Variants in RSPO4 observed in about 807,000 individuals in gnomAD.
The protein encoded by RSPO4 is R-spondin-4.
In RSPO4, 23 loss-of-function variants were observed where a neutral mutation model predicts 24.8. That is an observed-to-expected ratio of 0.93 (90% CI 0.67 to 1.31). The LOEUF (loss-of-function observed/expected upper bound fraction) is 1.31. RSPO4 is among the 40% of genes most tolerant of loss of function. RSPO4 has a pLI of 0.00. For missense variants in RSPO4, 333 were observed against 316.5 expected (o/e 1.05, Z -0.39); for synonymous variants, 141 against 127.4 (o/e 1.11, Z -0.72).
chr20:999,920 G>A (rs1370808309), intron 1 of RSPO4, among the ~76,000 whole-genome samples: 1 of 152,146 alleles, frequency 6.6e-6, no homozygotes, highest in African/African-American at 2.4e-5. Flanking sequence ...CCAGGCTGGA[G>A]TGCAGTGGCA....
chr20:1,001,077 A>G (rs1985446466), intron 1 of RSPO4, among the ~76,000 whole-genome samples: 1 of 152,264 alleles, frequency 6.6e-6, no homozygotes, highest in Non-Finnish European at 1.5e-5. Flanking sequence ...ACAATTCAGC[A>G]GTTATTTAAA....
intron 1 of RSPO4, among the ~76,000 whole-genome samples, chr20:982,520 T>C (rs547233686): frequency 4.9e-4 from 74 of 152,360 alleles, no homozygotes; most frequent in Non-Finnish European, 2.5e-4. Context: ...ACAGGCACTG[T>C]GCTTGGCTGC....
chr20:988,039 G>A (rs1401797388), intron 1 of RSPO4, among the ~76,000 whole-genome samples: 2 of 152,216 alleles, frequency 1.3e-5, no homozygotes, highest in East Asian at 3.8e-4. Context: ...TGGGCTGCCT[G>A]GAAGGGCATC....
chr20:998,654 A>G (rs941876057), intron 1 of RSPO4, among the ~76,000 whole-genome samples: 6 of 152,154 alleles, frequency 3.9e-5, no homozygotes, highest in Non-Finnish European at 8.8e-5. Flanking sequence ...CCAAAGACTC[A>G]GGCATGGGGG....
chr20:999,361 A>G (rs928084324), intron 1 of RSPO4, among the ~76,000 whole-genome samples: 5 of 152,162 alleles, frequency 3.3e-5, no homozygotes, highest in African/African-American at 1.2e-4. Flanking sequence ...TAAGTCTCAC[A>G]GCCAAGAAAT....
rs200597556 is a variant in RSPO4, at chr20:967,224, G to A, written c.359C>T (p.Pro120Leu). 40 of 1,614,048 alleles carry A rather than the reference G, an allele frequency of 2.5e-5. No homozygotes were observed. Among genetic ancestry groups the A allele is most frequent in the Middle Eastern group, 1.6e-4 (1 of 6,084 alleles). Residue 120 changes from proline (P) to leucine (L), a missense_variant, in exon 3 of 5, where the codon CCC becomes CTC. Pro to Leu is a moderately conservative substitution (Grantham distance 98). Transcript: ENST00000217260. ...QFYLYKGKCL[P>L]TCPPGTLAHQ... ...GGCCAAAGTGCCCGGCGGGCAGGTG[G>A]GCAGACACTTCCCCTTGTACAAGTA... is the stretch of plus-strand genomic sequence containing the variant.
intron 1 of RSPO4, among the ~76,000 whole-genome samples, chr20:988,210 C>T (rs973301382): frequency 6.6e-6 from 1 of 152,168 alleles, no homozygotes; most frequent in African/African-American, 2.4e-5. Flanking sequence ...GGCCAGACCC[C>T]CAGGACACAT....
Position 1,002,283 on chromosome 20 carries a change from A to C in RSPO4, c.-119T>G. 2.3e-6 allele frequency: 1 copy of C among 442,524 alleles called. No individual in the cohort carries two copies. Among genetic ancestry groups the C allele is most frequent in the Non-Finnish European group, 3.2e-6 (1 of 312,216 alleles). The allele number at this position is 442,524 out of a possible 1,614,324, so 27.4% of individuals were successfully genotyped here. ...TGTGGGCGCGCCGGGCGCATCCGCC[A>C]GGCGCGGGTCGGTCCGGCCGCCAGG... On this transcript the variant is annotated 5_prime_UTR_variant, in exon 1 of 5. Coordinates refer to ENST00000217260, the MANE Select transcript of RSPO4 (RefSeq NM_001029871.4). This position sits in a 1 kb window ranked among gnomAD's most constrained non-coding sequence, Gnocchi z 4.6.
At chr20:975,212 C>T (rs1335289292) in intron 1 of RSPO4, among the ~76,000 whole-genome samples, 1 of 152,218 alleles carries the variant, frequency 6.6e-6, no homozygotes, top group Non-Finnish European at 1.5e-5. Context: ...CCTGATCACC[C>T]TGGTGCTCCA....
At chr20:972,077 T>G (rs2059856288) in intron 1 of RSPO4, among the ~76,000 whole-genome samples, 1 of 152,184 alleles carries the variant, frequency 6.6e-6, no homozygotes, top group Admixed American at 6.5e-5. Flanking sequence ...TTTTATTTTA[T>G]TTTTTGAGGC....
chr20:994,204 C>T (rs1362257308), intron 1 of RSPO4, among the ~76,000 whole-genome samples: 1 of 152,124 alleles, frequency 6.6e-6, no homozygotes, highest in Non-Finnish European at 1.5e-5. Flanking sequence ...ACCTTTGATG[C>T]CAATGAAAGT....
intron 1 of RSPO4, among the ~76,000 whole-genome samples, chr20:991,241 C>T (rs1260822613): frequency 6.6e-6 from 1 of 152,168 alleles, no homozygotes; most frequent in African/African-American, 2.4e-5. Context: ...GCACCTGGCT[C>T]TGGGGTGACT....
At chr20:960,507 G>T (rs1349646203) in intron 4 of RSPO4, 41 bp from the exon 5 acceptor site, 9 of 1,426,436 alleles carry the variant, frequency 6.3e-6, no homozygotes, top group Non-Finnish European at 8.6e-6. Context: ...AGGCTGCAGG[G>T]CCAGTTAGGT....
intron 1 of RSPO4, among the ~76,000 whole-genome samples, chr20:980,813 C>T (rs1600095843): frequency 1.3e-5 from 2 of 152,132 alleles, no homozygotes; most frequent in African/African-American, 4.8e-5. Context: ...TGTCGCCTCT[C>T]GACACATGCG....
At chr20:986,732 TA>T (rs146715308) in intron 1 of RSPO4, among the ~76,000 whole-genome samples, 2,834 of 151,870 alleles carry the variant, frequency 0.019, 85 homozygotes, top group African/African-American at 0.064. Flanking sequence ...TTAAGCCAGT[TA>T]CACACAAAGT....
chr20:963,926 G>A lies in RSPO4; in HGVS notation c.595+9C>T, dbSNP rs1294831303. The A allele has an allele frequency of 1.2e-6, 2 of 1,613,322 alleles. No homozygotes were observed. Among genetic ancestry groups the A allele is most frequent in the East Asian group, 2.2e-5 (1 of 44,870 alleles). On this transcript the variant is annotated intron_variant, in intron 4 of 4. Coordinates refer to ENST00000217260, the MANE Select transcript of RSPO4 (RefSeq NM_001029871.4). The stretch of plus-strand genomic sequence containing the variant: ...CACCGCAGCCTCGTGTGCCTGTCCT[G>A]GGGCTCACCTCCTGGGCAGGGCCTC...
chr20:988,519 C>G (rs898740308), intron 1 of RSPO4, among the ~76,000 whole-genome samples: 1 of 152,092 alleles, frequency 6.6e-6, no homozygotes, highest in African/African-American at 2.4e-5. Context: ...CAGCACATAG[C>G]ACATGCTAGA....
In RSPO4 at chr20:959,105, G is replaced by T; in HGVS notation, c.*1252C>A. 1 of 148,976 alleles carries T rather than the reference G, an allele frequency of 6.7e-6. No individual in the cohort carries two copies. Among genetic ancestry groups the T allele is most frequent in the South Asian group, 2.0e-4 (1 of 4,928 alleles). 9.2% of individuals were successfully genotyped at this position (148,976 alleles called of 1,614,324 possible). ...GGCGAGTGTGGTGGTGGGTGTGGGG[G>T]AGTGTGGTGGTGGGTGTGGGGCAGT... On this transcript the variant is annotated 3_prime_UTR_variant, in exon 5 of 5. Transcript: ENST00000217260.
At chr20:969,811 G>A (rs754585024) in intron 1 of RSPO4, among the ~76,000 whole-genome samples, 3 of 152,134 alleles carry the variant, frequency 2.0e-5, no homozygotes, top group Non-Finnish European at 2.9e-5. Flanking sequence ...AAAGGATAGG[G>A]CAGCTTTTGA....
Sources: gnomAD v4.1 joint callset for allele counts (sites outside exome capture counted in the v4.1 genomes callset) on GRCh38, gnomAD v4.1.1 for gene constraint, Gnocchi (gnomAD v3.1) non-coding constraint, MANE v1.5 for transcripts, NCBI Gene and HGNC (gene_info 2026-07-23, HGNC 2026-07-21) for gene names.